The following DRC11 variants were observed in gnomAD, a reference collection of about 807,000 sequenced individuals.
DRC11 encodes IQ and AAA domain-containing protein 1.
At chr2:236,499,536 C>T in the DRC11 span, among the ~76,000 whole-genome samples, 1 of 152,240 alleles carries the variant, frequency 6.6e-6, no homozygotes, top group African/African-American at 2.4e-5. This position sits in a 1 kb window ranked among gnomAD's most constrained non-coding sequence, Gnocchi z 4.7. Flanking sequence ...TCAAGCAATT[C>T]TCCTGCCTCA....
At chr2:236,325,262 T>G in the DRC11 span, among the ~76,000 whole-genome samples, 49 of 152,332 alleles carry the variant, frequency 3.2e-4, no homozygotes, top group African/African-American at 1.2e-3. The surrounding 1 kb of genome is among the most constrained non-coding windows in gnomAD (Gnocchi z 4.4). Flanking sequence ...CAATGGCATT[T>G]TTCTCAACCT....
At chr2:236,408,590 A>G in the DRC11 span, 1 of 728,328 alleles carries the variant, frequency 1.4e-6, no homozygotes, top group Non-Finnish European at 2.6e-6. This position sits in a 1 kb window ranked among gnomAD's most constrained non-coding sequence, Gnocchi z 5.5. Context: ...TGGCAGTGAC[A>G]TGGATGACTT....
chr2:236,480,064 T>C, the DRC11 span, among the ~76,000 whole-genome samples: 1 of 151,984 alleles, frequency 6.6e-6, no homozygotes, highest in South Asian at 2.1e-4. Context: ...TAAATATGTT[T>C]TTCTACTACC....
the DRC11 span, chr2:236,392,019 C>G: frequency 6.2e-6 from 10 of 1,613,924 alleles, no homozygotes; most frequent in Non-Finnish European, 8.5e-6. This position sits in a 1 kb window ranked among gnomAD's most constrained non-coding sequence, Gnocchi z 5.1. Flanking sequence ...CTCCCTTTCT[C>G]TGTCCACAGC....
At chr2:236,339,705 C>T in the DRC11 span, among the ~76,000 whole-genome samples, 14 of 152,194 alleles carry the variant, frequency 9.2e-5, no homozygotes, top group Admixed American at 3.3e-4. Flanking sequence ...TTTGTCAAAA[C>T]GAACTGTAAT....
At chr2:236,437,838 A>AT in the DRC11 span, among the ~76,000 whole-genome samples, 377 of 150,556 alleles carry the variant, frequency 2.5e-3, 2 homozygotes, top group East Asian at 0.019. Context: ...GATTCTGGAT[A>AT]TTAGCCCTTT....
At chr2:236,327,114 C>T in the DRC11 span, among the ~76,000 whole-genome samples, 1 of 152,126 alleles carries the variant, frequency 6.6e-6, no homozygotes, top group Admixed American at 6.5e-5. Flanking sequence ...TCTATAAGAT[C>T]CTCTAAACTC....
At chr2:236,427,069 G>A in the DRC11 span, among the ~76,000 whole-genome samples, 1 of 152,034 alleles carries the variant, frequency 6.6e-6, no homozygotes, top group Non-Finnish European at 1.5e-5. The surrounding 1 kb of genome is among the most constrained non-coding windows in gnomAD (Gnocchi z 5.9). Flanking sequence ...TGTTAATGTG[G>A]TATATTATAC....
the DRC11 span, among the ~76,000 whole-genome samples, chr2:236,484,334 T>C: frequency 6.6e-6 from 1 of 152,226 alleles, no homozygotes; most frequent in Non-Finnish European, 1.5e-5. Context: ...CCCTCTGACA[T>C]AATTTTGAAC....
chr2:236,482,845 C>T, the DRC11 span, among the ~76,000 whole-genome samples: 7 of 152,258 alleles, frequency 4.6e-5, no homozygotes, highest in South Asian at 8.3e-4. This position sits in a 1 kb window ranked among gnomAD's most constrained non-coding sequence, Gnocchi z 4.5. Context: ...TATACAGAAC[C>T]ATTTCAATGT....
chr2:236,471,314 A>G, the DRC11 span, among the ~76,000 whole-genome samples: 1 of 152,144 alleles, frequency 6.6e-6, no homozygotes, highest in South Asian at 2.1e-4. The surrounding 1 kb of genome is among the most constrained non-coding windows in gnomAD (Gnocchi z 4.6). Flanking sequence ...TGGGTACTAT[A>G]GACCATACTT....
the DRC11 span, among the ~76,000 whole-genome samples, chr2:236,357,555 T>C: frequency 4.2e-5 from 5 of 119,088 alleles, no homozygotes; most frequent in African/African-American, 9.8e-5. Flanking sequence ...TATTATTACA[T>C]ATTTACATAT....
At chr2:236,419,919 C>A in the DRC11 span, among the ~76,000 whole-genome samples, 8 of 152,204 alleles carry the variant, frequency 5.3e-5, no homozygotes, top group Non-Finnish European at 8.8e-5. This position sits in a 1 kb window ranked among gnomAD's most constrained non-coding sequence, Gnocchi z 4.8. Flanking sequence ...TCACTCACTG[C>A]CATAGAGAGC....
chr2:236,331,908 C>G, the DRC11 span: 2 of 291,640 alleles, frequency 6.9e-6, no homozygotes, highest in African/African-American at 2.1e-5. The surrounding 1 kb of genome is among the most constrained non-coding windows in gnomAD (Gnocchi z 4.8). Flanking sequence ...TGTTGACAAT[C>G]TGTCAACACT....
the DRC11 span, among the ~76,000 whole-genome samples, chr2:236,484,096 C>A: frequency 2.0e-5 from 3 of 152,174 alleles, no homozygotes; most frequent in Non-Finnish European, 2.9e-5. Flanking sequence ...CATATCCTCA[C>A]ATTGGTTAAA....
chr2:236,393,295 CA>C, the DRC11 span, among the ~76,000 whole-genome samples: 1 of 152,300 alleles, frequency 6.6e-6, no homozygotes, highest in South Asian at 2.1e-4. The surrounding 1 kb of genome is among the most constrained non-coding windows in gnomAD (Gnocchi z 4.7). Context: ...AGGGCACAGA[CA>C]GAGGCTCCCA....
chr2:236,467,760 CA>C, the DRC11 span, among the ~76,000 whole-genome samples: 1 of 152,170 alleles, frequency 6.6e-6, no homozygotes. Context: ...TTAGAAAAGA[CA>C]TTAGCAAAAC....
the DRC11 span, among the ~76,000 whole-genome samples, chr2:236,428,745 T>C: frequency 6.6e-6 from 1 of 152,256 alleles, no homozygotes; most frequent in African/African-American, 2.4e-5. Flanking sequence ...GAGATAATTA[T>C]TGATAGGAAG....
the DRC11 span, among the ~76,000 whole-genome samples, chr2:236,388,512 T>G: frequency 6.6e-6 from 1 of 151,918 alleles, no homozygotes; most frequent in Non-Finnish European, 1.5e-5. Context: ...TTCAGCTCCA[T>G]CAGCTCCTTT....
Sources: allele counts gnomAD v4.1 joint callset (sites outside exome capture counted in the v4.1 genomes callset), GRCh38; gene constraint gnomAD v4.1.1; non-coding constraint Gnocchi (gnomAD v3.1); transcripts MANE v1.5; gene names NCBI Gene and HGNC (gene_info 2026-07-23, HGNC 2026-07-21).